NINL: variants seen among roughly 807,000 people sequenced by gnomAD.
NINL encodes the protein ninein-like protein.
Under a neutral mutation model 160.3 loss-of-function variants are expected in NINL, and 153 were observed. That is an observed-to-expected ratio of 0.95 (90% CI 0.84 to 1.09). NINL has a LOEUF of 1.09. Among genes scored for constraint, NINL ranks in the 50% least tolerant of loss-of-function variants. The pLI, the probability that NINL is intolerant of heterozygous loss-of-function variation, is 0.00. For synonymous variants in NINL, 800 were observed against 734.8 expected (o/e 1.09, Z -1.43); for missense variants, 1,829 against 1,764.0 (o/e 1.04, Z -0.66).
chr20:25,580,307 C>T (rs1018510588), intron 1 of NINL, among the ~76,000 whole-genome samples: 5 of 151,608 alleles, frequency 3.3e-5, no homozygotes, highest in Non-Finnish European at 5.9e-5. Flanking sequence ...GCACTCCAGC[C>T]TGGGCAACAG....
intron 19 of NINL, among the ~76,000 whole-genome samples, chr20:25,465,708 A>G (rs577368595): frequency 1.0e-3 from 155 of 152,316 alleles, no homozygotes; most frequent in Non-Finnish European, 1.9e-3. Context: ...CACAGGTGCC[A>G]TGAATGCACT....
rs112787388 is a variant in NINL at position 25,558,783 on chromosome 20, G to C, written c.-12+26672C>G. Among the ~76,000 whole-genome samples the C allele has an allele frequency of 1.5e-3, 235 of 152,318 alleles. 3 individuals are homozygous for C. Among genetic ancestry groups the C allele is most frequent in the Non-Finnish European group, 2.3e-3 (158 of 68,034 alleles). On this transcript the variant is annotated intron_variant, in intron 1 of 23. Coordinates refer to ENST00000278886, the MANE Select transcript of NINL (RefSeq NM_025176.6). ...GGCCAAGAGCAAGTAGGCAGGCAGA[G>C]GCACAGAGTACCTGATAATAGGTGT...
intron 10 of NINL, among the ~76,000 whole-genome samples, chr20:25,492,737 C>T (rs1374822725): frequency 6.6e-6 from 1 of 151,906 alleles, no homozygotes; most frequent in Admixed American, 6.6e-5. Flanking sequence ...CCACCACACC[C>T]GGCCACAACA....
In NINL at chr20:25,482,055, G is replaced by C. The variant is rs2063400678; in HGVS notation, c.1723C>G (p.Leu575Val). 3 of 1,598,248 alleles carry C rather than the reference G, an allele frequency of 1.9e-6. No homozygotes were observed. Among genetic ancestry groups the C allele is most frequent in the Non-Finnish European group, 2.5e-6 (3 of 1,179,610 alleles). ...NDELQAELEG[L>V]WARLPKNRHS... ...CGGTTCTTGGGCAGCCGCGCCCACA[G>C]GCCTTCCAGCTCAGCTTGCAGCTCA... Residue 575 changes from leucine to valine, a missense_variant, in exon 14 of 24, where the codon CTG (leucine) becomes GTG (valine). Coordinates refer to ENST00000278886, the MANE Select transcript of NINL (RefSeq NM_025176.6).
chr20:25,471,959 C>T (rs557920194), intron 17 of NINL, among the ~76,000 whole-genome samples: 2 of 152,252 alleles, frequency 1.3e-5, no homozygotes, highest in Non-Finnish European at 1.5e-5. Context: ...CCTCTAGAAA[C>T]TGCAGGTATT....
At chr20:25,580,926 C>T (rs935068057) in intron 1 of NINL, among the ~76,000 whole-genome samples, 4 of 152,210 alleles carry the variant, frequency 2.6e-5, no homozygotes, top group East Asian at 3.8e-4. Flanking sequence ...TTACAGCCAC[C>T]GCGGCTTAAC....
intron 9 of NINL, among the ~76,000 whole-genome samples, chr20:25,497,508 G>T (rs34056528): frequency 0.013 from 1,907 of 152,348 alleles, 15 homozygotes; most frequent in Admixed American, 0.038. Context: ...CAGTCTTTAG[G>T]ATTGAGATTG....
At chr20:25,483,154 G>A (rs1451413411) in intron 13 of NINL, among the ~76,000 whole-genome samples, 1 of 147,390 alleles carries the variant, frequency 6.8e-6, no homozygotes, top group East Asian at 1.9e-4. Context: ...CCAACATGGC[G>A]AAACCCCGGT....
chr20:25,504,135 C>T (rs759091910), intron 6 of NINL, 31 bp from the exon 7 acceptor site: 1 of 1,534,726 alleles, frequency 6.5e-7, no homozygotes. Flanking sequence ...CTCAGGCCCA[C>T]CCACAAGAGC....
chr20:25,560,706 A>T (rs147897072), intron 1 of NINL, among the ~76,000 whole-genome samples: 426 of 152,200 alleles, frequency 2.8e-3, no homozygotes, highest in Non-Finnish European at 5.1e-3. Context: ...TCTCCTTGCA[A>T]GGTATTCACT....
chr20:25,508,054 T>C (rs944123624), intron 5 of NINL, among the ~76,000 whole-genome samples: 8 of 152,238 alleles, frequency 5.3e-5, no homozygotes, highest in African/African-American at 1.9e-4. Context: ...TTCGCTGCTC[T>C]AGATCTAGAC....
At chr20:25,469,052 C>CT (rs2063012110) in intron 18 of NINL, among the ~76,000 whole-genome samples, 1 of 130,850 alleles carries the variant, frequency 7.6e-6, no homozygotes. Flanking sequence ...CCCTGTCCCC[C>CT]AACTCTCACT....
chr20:25,478,286 C>T (rs987628173), intron 16 of NINL, among the ~76,000 whole-genome samples: 1 of 152,154 alleles, frequency 6.6e-6, no homozygotes, highest in Non-Finnish European at 1.5e-5. Context: ...GTGGCCTGGC[C>T]AGTGTGGTGG....
chr20:25,558,909 CA>C (rs2147123192), intron 1 of NINL, among the ~76,000 whole-genome samples: 1 of 152,382 alleles, frequency 6.6e-6, no homozygotes, highest in South Asian at 2.1e-4. Context: ...GTTCATTTCT[CA>C]ATATCAAGCC....
intron 19 of NINL, 100 bp from the exon 20 acceptor site, chr20:25,462,641 C>G: frequency 1.4e-6 from 1 of 710,826 alleles, no homozygotes; most frequent in Non-Finnish European, 2.1e-6. Flanking sequence ...ATTAAGTAGT[C>G]ATTTGTTTTG....
intron 1 of NINL, among the ~76,000 whole-genome samples, chr20:25,543,549 C>T (rs1415102011): frequency 3.9e-5 from 6 of 152,170 alleles, no homozygotes; most frequent in African/African-American, 1.4e-4. Flanking sequence ...CTTTCGACGC[C>T]TAAGTAACAA....
chr20:25,494,595 T>C (rs2063710761), intron 10 of NINL, among the ~76,000 whole-genome samples: 1 of 152,204 alleles, frequency 6.6e-6, no homozygotes, highest in African/African-American at 2.4e-5. Context: ...GAAAGGGCAC[T>C]TGGGAGGTGC....
Position 25,470,063 on chromosome 20 carries a change from G to C in NINL, c.3281C>G (p.Thr1094Ser). The change falls in exon 18 of 24, where the codon ACT becomes AGT. Residue 1094 changes from threonine to serine, a missense_variant. Physicochemically the swap from Thr to Ser is moderately conservative, Grantham distance 58. Transcript: ENST00000278886. ...CCTTCCCAGATCGTTTTTCAACAAA[G>C]TGTTTTCTTCAGAAAGTCTATGGAA... ...LEFHRLSEEN[T>S]LLKNDLGRVR... is the part of the protein sequence containing the mutation. 6.2e-7 allele frequency: 1 copy of C among 1,614,116 alleles called. No homozygotes were observed. The highest frequency in any genetic ancestry group is 1.6e-4 in the Middle Eastern group (1 of 6,062).
chr20:25,560,370 A>G (rs1319941537), intron 1 of NINL, among the ~76,000 whole-genome samples: 1 of 152,170 alleles, frequency 6.6e-6, no homozygotes, highest in Non-Finnish European at 1.5e-5. Context: ...TTCATTTCCA[A>G]CTTCCTACGT....
Sources: allele counts gnomAD v4.1 joint callset (sites outside exome capture counted in the v4.1 genomes callset), GRCh38; gene constraint gnomAD v4.1.1; transcripts MANE v1.5; gene names NCBI Gene and HGNC (gene_info 2026-07-23, HGNC 2026-07-21).